PCDHGA8: variants seen among roughly 807,000 people sequenced by gnomAD.
PCDHGA8 encodes the protein protocadherin gamma subfamily A, 8.
Under a neutral mutation model 59.2 loss-of-function variants are expected in PCDHGA8, and 45 were observed. The ratio of observed to expected loss-of-function variants is 0.76; its 90% CI spans 0.60 to 0.98. The LOEUF (loss-of-function observed/expected upper bound fraction) is 0.98, where lower values mean the gene tolerates loss of function less well. PCDHGA8 is among the 50% of genes least tolerant of loss of function. The pLI, the probability that PCDHGA8 is intolerant of heterozygous loss-of-function variation, is 0.00. For synonymous variants in PCDHGA8, 531 were observed against 519.0 expected (o/e 1.02, Z -0.32); for missense variants, 1,257 against 1,196.2 (o/e 1.05, Z -0.75).
chr5:141,447,257 A>G (rs1182682161), intron 1 of PCDHGA8, among the ~76,000 whole-genome samples: 1 of 152,080 alleles, frequency 6.6e-6, no homozygotes, highest in Non-Finnish European at 1.5e-5. Flanking sequence ...CTTCTGTCTC[A>G]GCCTCCCAAG....
rs1688094877 is a variant in PCDHGA8 at position 141,432,625 on chromosome 5, C to T, written c.2424+37388C>T. 1.2e-6 allele frequency: 2 copies of T among 1,613,240 alleles called. No individual in the cohort carries two copies. The highest frequency in any genetic ancestry group is 1.7e-6 in the Non-Finnish European group (2 of 1,179,778). ...CGGGACTCTTCTCGGTGGGTCTGCA[C>T]ACGGGCGAGGTGCGCACGGCGCGAG... On this transcript the variant is annotated intron_variant, in intron 1 of 3. Coordinates refer to ENST00000398604, the MANE Select transcript of PCDHGA8 (RefSeq NM_032088.2). The surrounding 1 kb of genome is among the most constrained non-coding windows in gnomAD (Gnocchi z 6.0).
At position 141,486,481 on chromosome 5, in the gene PCDHGA8, T is replaced by C. The variant is rs1562112794; in HGVS notation, c.2425-8326T>C. 1 of 1,614,036 alleles carries C rather than the reference T, an allele frequency of 6.2e-7. No individual in the cohort carries two copies. The highest frequency in any genetic ancestry group is 8.5e-7 in the Non-Finnish European group (1 of 1,179,976). Reference sequence around the variant, plus strand: ...CTGATGCTGGGAACCCTCCTCTCAGTACCCACAGAACTATTTTCCTCAATA... The same window carrying C: ...CTGATGCTGGGAACCCTCCTCTCAGCACCCACAGAACTATTTTCCTCAATA... On this transcript the variant is annotated intron_variant, in intron 1 of 3. Coordinates refer to ENST00000398604, the MANE Select transcript of PCDHGA8 (RefSeq NM_032088.2). This position sits in a 1 kb window ranked among gnomAD's most constrained non-coding sequence, Gnocchi z 5.0.
intron 3 of PCDHGA8, 152 bp from the exon 4 acceptor site, chr5:141,510,795 G>C (rs994874330): frequency 9.3e-5 from 136 of 1,465,100 alleles, no homozygotes; most frequent in Admixed American, 1.7e-4. Flanking sequence ...CTTGTGAAGA[G>C]AGACTACCTT....
chr5:141,432,133 C>T lies in PCDHGA8; in HGVS notation c.2424+36896C>T, dbSNP rs1468632362. The stretch of plus-strand genomic sequence containing the variant: ...CGGTCTTCCCTCAGGCCTCCTATTC[C>T]GCTTATATCCCAGAGAACAATCCCA... On this transcript the variant is annotated intron_variant, in intron 1 of 3. Transcript: ENST00000398604. This position sits in a 1 kb window ranked among gnomAD's most constrained non-coding sequence, Gnocchi z 6.0. 9 of 1,614,142 alleles carry T rather than the reference C, an allele frequency of 5.6e-6. No homozygotes were observed. The highest frequency in any genetic ancestry group is 1.6e-4 in the Middle Eastern group (1 of 6,062).
At chr5:141,438,595 T>C (rs11949887) in intron 1 of PCDHGA8, among the ~76,000 whole-genome samples, 1,254 of 57,838 alleles carry the variant, frequency 0.022, 9 homozygotes, top group Non-Finnish European at 0.023. Flanking sequence ...TACATACATA[T>C]ATATATATAT....
chr5:141,435,807 T>A (rs2097781241), intron 1 of PCDHGA8, among the ~76,000 whole-genome samples: 1 of 152,040 alleles, frequency 6.6e-6, no homozygotes, highest in South Asian at 2.1e-4. Context: ...CCCAATTATT[T>A]TTTCTTTCTT....
intron 1 of PCDHGA8, chr5:141,427,785 TC>T: frequency 6.8e-7 from 1 of 1,470,156 alleles, no homozygotes; most frequent in Non-Finnish European, 9.4e-7. Flanking sequence ...GGCACTGTCG[TC>T]CTACGTGTCC....
chr5:141,503,130 C>A (rs1406819266), intron 2 of PCDHGA8, among the ~76,000 whole-genome samples: 1 of 151,980 alleles, frequency 6.6e-6, no homozygotes, highest in Non-Finnish European at 1.5e-5. Context: ...CCTCTGGTAG[C>A]CCCTGACACA....
intron 1 of PCDHGA8, among the ~76,000 whole-genome samples, chr5:141,465,360 C>T (rs1238387777): frequency 6.6e-6 from 1 of 151,940 alleles, no homozygotes; most frequent in Non-Finnish European, 1.5e-5. Context: ...AAAATGGGTG[C>T]CCTTTAAAGT....
chr5:141,430,560 G>T (rs1184226832), intron 1 of PCDHGA8: 1 of 420,160 alleles, frequency 2.4e-6, no homozygotes, highest in Non-Finnish European at 4.1e-6. Context: ...ACCAATCGGG[G>T]AGAGAAAAGC....
At chr5:141,422,639 C>A (rs777330051) in intron 1 of PCDHGA8, 1 of 1,612,780 alleles carries the variant, frequency 6.2e-7, no homozygotes, top group South Asian at 1.1e-5. Context: ...AGGGGTGCCT[C>A]CATCTTCTCA....
chr5:141,403,974 A>G (rs1351754228), intron 1 of PCDHGA8: 1 of 1,613,872 alleles, frequency 6.2e-7, no homozygotes, highest in African/African-American at 1.3e-5. Flanking sequence ...GAAGATGTAA[A>G]TGACAATAGA....
At chr5:141,473,066 A>G (rs1002054198) in intron 1 of PCDHGA8, among the ~76,000 whole-genome samples, 3 of 152,128 alleles carry the variant, frequency 2.0e-5, no homozygotes, top group African/African-American at 7.2e-5. Context: ...AACAAGTTAC[A>G]GCATCTTTGT....
At chr5:141,498,826 A>G (rs1186868890) in intron 2 of PCDHGA8, among the ~76,000 whole-genome samples, 1 of 152,006 alleles carries the variant, frequency 6.6e-6, no homozygotes, top group African/African-American at 2.4e-5. Context: ...CCAGCTACTC[A>G]GGAGGCTGAG....
At chr5:141,449,328 C>G (rs1340432771) in intron 1 of PCDHGA8, among the ~76,000 whole-genome samples, 1 of 151,866 alleles carries the variant, frequency 6.6e-6, no homozygotes, top group African/African-American at 2.4e-5. Flanking sequence ...ATCTGTAGGC[C>G]AGGTGCAGTG....
At chr5:141,404,108 A>G (rs537875169) in intron 1 of PCDHGA8, 22 of 1,613,436 alleles carry the variant, frequency 1.4e-5, no homozygotes, top group South Asian at 6.6e-5. Context: ...TGTCTGTTCT[A>G]TCCAGGAGAA....
intron 1 of PCDHGA8, chr5:141,399,261 T>G: frequency 1.2e-6 from 2 of 1,613,918 alleles, no homozygotes; most frequent in Non-Finnish European, 1.7e-6. Context: ...ATGGGGAGGT[T>G]AATTGTCAAT....
chr5:141,479,806 G>A (rs1188862048), intron 1 of PCDHGA8, among the ~76,000 whole-genome samples: 1 of 152,182 alleles, frequency 6.6e-6, no homozygotes, highest in Non-Finnish European at 1.5e-5. Context: ...AGGGTGGTAT[G>A]CAAGGATACT....
At chr5:141,473,010 AAAAG>A (rs1014377988) in intron 1 of PCDHGA8, among the ~76,000 whole-genome samples, 22 of 151,958 alleles carry the variant, frequency 1.4e-4, no homozygotes, top group Admixed American at 7.9e-4. Context: ...AAGAAAAAGA[AAAAG>A]AAAGAAGGAA....
Sources: gnomAD v4.1 joint callset for allele counts (sites outside exome capture counted in the v4.1 genomes callset) on GRCh38, gnomAD v4.1.1 for gene constraint, Gnocchi (gnomAD v3.1) non-coding constraint, MANE v1.5 for transcripts, NCBI Gene and HGNC (gene_info 2026-07-23, HGNC 2026-07-21) for gene names.